Variants in P3H2 observed in about 807,000 individuals in gnomAD.
The protein encoded by P3H2 is leprecan-like 1.
In P3H2, 80 loss-of-function variants were observed where a neutral mutation model predicts 87.0. That is an observed-to-expected ratio of 0.92 (90% CI 0.77 to 1.11). The LOEUF is 1.11. P3H2 is among the 50% of genes least tolerant of loss of function. The pLI is 0.00. For synonymous variants in P3H2, 367 were observed against 359.3 expected, an observed-to-expected ratio of 1.02 and a Z score of -0.24; for missense variants, 1,001 against 923.9, an observed-to-expected ratio of 1.08 and a Z score of -1.08.
chr3:190,036,335 T>C (rs953667292), intron 1 of P3H2, among the ~76,000 whole-genome samples: 1 of 152,212 alleles, frequency 6.6e-6, no homozygotes, highest in African/African-American at 2.4e-5. Flanking sequence ...ATAGACTTCA[T>C]ACATGTTTGA....
intron 13 of P3H2, among the ~76,000 whole-genome samples, chr3:189,965,157 G>A (rs1722935476): frequency 1.3e-5 from 2 of 152,192 alleles, no homozygotes; most frequent in African/African-American, 2.4e-5. Context: ...ACATATGCCC[G>A]TAAATCTTTG....
intron 3 of P3H2, among the ~76,000 whole-genome samples, chr3:189,992,340 C>T (rs933318021): frequency 3.9e-5 from 6 of 152,282 alleles, no homozygotes; most frequent in Non-Finnish European, 7.4e-5. Flanking sequence ...ATGTGATCCA[C>T]CTGTCTCAGA....
chr3:190,051,108 G>A (rs1330852057), intron 1 of P3H2, among the ~76,000 whole-genome samples: 1 of 152,164 alleles, frequency 6.6e-6, no homozygotes, highest in African/African-American at 2.4e-5. Context: ...GTATCATCAT[G>A]TAATTTGATA....
At chr3:190,073,677 G>GC (rs1726779457) in intron 1 of P3H2, among the ~76,000 whole-genome samples, 1 of 152,112 alleles carries the variant, frequency 6.6e-6, no homozygotes, top group African/African-American at 2.4e-5. Context: ...AATTTCTAAG[G>GC]CTCAGTTACG....
chr3:190,099,884 G>A (rs1322157231), intron 1 of P3H2, among the ~76,000 whole-genome samples: 2 of 152,122 alleles, frequency 1.3e-5, no homozygotes, highest in Non-Finnish European at 2.9e-5. Context: ...GAGGCTAATT[G>A]TAGAATTGAG....
chr3:190,027,933 A>C (rs941763872), intron 1 of P3H2, among the ~76,000 whole-genome samples: 1 of 149,950 alleles, frequency 6.7e-6, no homozygotes, highest in Non-Finnish European at 1.5e-5. Context: ...GGGCCACTGC[A>C]CTCTAGCCTG....
At chr3:189,961,419 C>A (rs1340698037) in intron 14 of P3H2, among the ~76,000 whole-genome samples, 1 of 152,148 alleles carries the variant, frequency 6.6e-6, no homozygotes, top group Non-Finnish European at 1.5e-5. Flanking sequence ...GCTAAATACT[C>A]CTTGAGAACT....
At chr3:189,988,012 G>C (rs1189082901) in intron 4 of P3H2, among the ~76,000 whole-genome samples, 1 of 152,190 alleles carries the variant, frequency 6.6e-6, no homozygotes, top group African/African-American at 2.4e-5. Context: ...TTTGGGTTAA[G>C]TAAACATCCT....
At chr3:190,099,673 T>G (rs1711551802) in intron 1 of P3H2, among the ~76,000 whole-genome samples, 1 of 152,198 alleles carries the variant, frequency 6.6e-6, no homozygotes, top group Non-Finnish European at 1.5e-5. Context: ...AAGTCTTACC[T>G]GAAAGACAAT....
intron 1 of P3H2, among the ~76,000 whole-genome samples, chr3:190,009,275 C>G (rs1033540118): frequency 1.3e-5 from 2 of 152,154 alleles, no homozygotes; most frequent in Admixed American, 6.5e-5. Flanking sequence ...GAACATGAAA[C>G]TTGTAAAGCA....
intron 1 of P3H2, among the ~76,000 whole-genome samples, chr3:190,072,295 G>A (rs1726728480): frequency 6.6e-6 from 1 of 152,044 alleles, no homozygotes; most frequent in Non-Finnish European, 1.5e-5. Flanking sequence ...CCAAAGTACT[G>A]GAATTACAGG....
At chr3:190,005,879 C>T (rs1724373071) in intron 1 of P3H2, among the ~76,000 whole-genome samples, 1 of 152,176 alleles carries the variant, frequency 6.6e-6, no homozygotes, top group Non-Finnish European at 1.5e-5. Context: ...CCTGACAGGC[C>T]ACATGCTCTT....
intron 1 of P3H2, among the ~76,000 whole-genome samples, chr3:190,073,576 G>T (rs547503640): frequency 6.6e-6 from 1 of 152,176 alleles, no homozygotes; most frequent in Non-Finnish European, 1.5e-5. Context: ...CAGCAGCTCT[G>T]GTGGGCATGA....
chr3:189,978,603 A>T (rs910573551), intron 8 of P3H2, among the ~76,000 whole-genome samples: 1 of 151,722 alleles, frequency 6.6e-6, no homozygotes, highest in Non-Finnish European at 1.5e-5. Flanking sequence ...TAACATAATC[A>T]TTAATATTAC....
At chr3:190,079,341 A>AAAATGAAT (rs1553881584) in intron 1 of P3H2, among the ~76,000 whole-genome samples, 1 of 141,958 alleles carries the variant, frequency 7.0e-6, no homozygotes, top group Non-Finnish European at 1.5e-5. Context: ...TCTGTCTCAA[A>AAAATGAAT]AAATAAATAA....
At chr3:190,049,359 G>T (rs1048800183) in intron 1 of P3H2, among the ~76,000 whole-genome samples, 2 of 151,928 alleles carry the variant, frequency 1.3e-5, no homozygotes, top group African/African-American at 4.8e-5. Context: ...CAATCATTAC[G>T]CTGTATTTGC....
At chr3:190,086,488 C>G (rs1363801111) in intron 1 of P3H2, among the ~76,000 whole-genome samples, 1 of 152,168 alleles carries the variant, frequency 6.6e-6, no homozygotes, top group African/African-American at 2.4e-5. Flanking sequence ...CTGCATATAG[C>G]TGAGTAAGAA....
At chr3:189,984,624 A>G in intron 6 of P3H2, 34 bp from the exon 7 acceptor site, 4 of 1,484,468 alleles carry the variant, frequency 2.7e-6, no homozygotes, top group Non-Finnish European at 3.8e-6. Flanking sequence ...AAAATGCAGT[A>G]ATTTTGTCAC....
In P3H2 at chr3:189,988,956, C is replaced by T. The variant is rs1457608351; in HGVS notation, c.906G>A (p.Glu302=). 1.2e-6 allele frequency: 2 copies of T among 1,614,114 alleles called. No individual in the cohort carries two copies. Among genetic ancestry groups the T allele is most frequent in the African/African-American group, 2.7e-5 (2 of 74,990 alleles). Reference sequence around the variant, plus strand: ...AATCATAGTGCAGAGGAAGAAAATTCTCGATGGGAGAGAGGCGGCCAGGGC... The same window carrying T: ...AATCATAGTGCAGAGGAAGAAAATTTTCGATGGGAGAGAGGCGGCCAGGGC... ...ATRPGRLSPI[E]NFLPLHYDYL... Residue 302 remains glutamate (E), a synonymous_variant, in exon 4 of 15, where the codon GAG becomes GAA. Coordinates refer to ENST00000319332, the MANE Select transcript of P3H2 (RefSeq NM_018192.4).
Sources: allele counts gnomAD v4.1 joint callset (sites outside exome capture counted in the v4.1 genomes callset), GRCh38; gene constraint gnomAD v4.1.1; transcripts MANE v1.5; gene names NCBI Gene and HGNC (gene_info 2026-07-23, HGNC 2026-07-21).